Variants in EHMT1 observed in about 807,000 individuals in gnomAD.
EHMT1 encodes histone-lysine N-methyltransferase EHMT1.
A neutral mutation model predicts 147.2 loss-of-function variants in EHMT1; 15 were observed. That is an observed-to-expected ratio of 0.10 (90% CI 0.07 to 0.16). The LOEUF is 0.16. Ranked by LOEUF, EHMT1 falls within the 10% of genes least tolerant of loss-of-function variation. The pLI is 1.00. For missense variants in EHMT1, 1,587 were observed against 1,772.4 expected (o/e 0.90, Z 1.88); for synonymous variants, 795 against 709.6 (o/e 1.12, Z -1.91).
chr9:137,635,022 C>T (rs1339538857), intron 1 of EHMT1, among the ~76,000 whole-genome samples: 1 of 151,148 alleles, frequency 6.6e-6, no homozygotes, highest in Non-Finnish European at 1.5e-5. Context: ...GCCCGGCTGT[C>T]ACTTGGATTT....
At chr9:137,801,979 G>A (rs998089966) in intron 18 of EHMT1, among the ~76,000 whole-genome samples, 16 of 152,150 alleles carry the variant, frequency 1.1e-4, no homozygotes, top group African/African-American at 2.2e-4. Flanking sequence ...ATCATACCAC[G>A]GTTTTCTAGG....
chr9:137,672,615 C>T (rs1281970869), intron 1 of EHMT1, among the ~76,000 whole-genome samples: 6 of 152,226 alleles, frequency 3.9e-5, no homozygotes, highest in African/African-American at 9.6e-5. Flanking sequence ...TAAACCAAAG[C>T]GCCTGGCGCA....
chr9:137,641,932 A>G (rs1489561991), intron 1 of EHMT1, among the ~76,000 whole-genome samples: 1 of 151,290 alleles, frequency 6.6e-6, no homozygotes, highest in East Asian at 1.9e-4. Context: ...CTCCAACTCC[A>G]TGGTTCAAGC....
At chr9:137,794,990 T>G (rs1362494813) in intron 16 of EHMT1, 13 of 152,176 alleles carry the variant, frequency 8.5e-5, no homozygotes, top group Admixed American at 8.5e-4. Context: ...TCCTAAAATG[T>G]GAGAGGTCAT....
chr9:137,641,886 A>G (rs1315242218), intron 1 of EHMT1, among the ~76,000 whole-genome samples: 3 of 151,492 alleles, frequency 2.0e-5, no homozygotes, highest in South Asian at 2.1e-4. Flanking sequence ...GTACAGTGGC[A>G]TGACCTTGGC....
At chr9:137,679,364 C>T (rs1402895331) in intron 1 of EHMT1, among the ~76,000 whole-genome samples, 1 of 152,130 alleles carries the variant, frequency 6.6e-6, no homozygotes, top group Non-Finnish European at 1.5e-5. Context: ...TGCGATTGAT[C>T]TTCAGGTTCA....
intron 1 of EHMT1, among the ~76,000 whole-genome samples, chr9:137,691,530 T>C (rs1942936504): frequency 6.6e-6 from 1 of 152,060 alleles, no homozygotes; most frequent in Admixed American, 6.6e-5. Flanking sequence ...TTAGTGGATG[T>C]CCGTTGATGG....
intron 7 of EHMT1, among the ~76,000 whole-genome samples, chr9:137,753,685 T>A (rs1949156398): frequency 6.6e-6 from 1 of 152,240 alleles, no homozygotes; most frequent in Non-Finnish European, 1.5e-5. Context: ...CCTTGCTGCA[T>A]CCGGATTTTA....
intron 1 of EHMT1, among the ~76,000 whole-genome samples, chr9:137,632,053 A>G (rs891730053): frequency 1.3e-5 from 2 of 152,206 alleles, no homozygotes; most frequent in African/African-American, 4.8e-5. Flanking sequence ...CCTGGAAGCC[A>G]TGGGCTACAC....
chr9:137,692,933 C>T (rs1420341116), intron 1 of EHMT1, among the ~76,000 whole-genome samples: 1 of 152,112 alleles, frequency 6.6e-6, no homozygotes, highest in African/African-American at 2.4e-5. Flanking sequence ...AATCAGAAGC[C>T]TGAGAGTCCG....
At position 137,731,448 on chromosome 9, in the gene EHMT1, A is replaced by G. The variant is rs1455165365; in HGVS notation, c.823+2919A>G. Among the ~76,000 whole-genome samples, 3 of 152,230 alleles carry G rather than the reference A, an allele frequency of 2.0e-5. No individual in the cohort carries two copies. The highest frequency in any genetic ancestry group is 4.4e-5 in the Non-Finnish European group (3 of 68,042). ...GTGATGGTCATCAGTGCACCTTTCA[A>G]CATGGCTGGAAAGACAGGAGTGCAG... On this transcript the variant is annotated intron_variant, in intron 4 of 26. Transcript: ENST00000460843. This position sits in a 1 kb window ranked among gnomAD's most constrained non-coding sequence, Gnocchi z 4.3.
chr9:137,759,572 C>A (rs1203654710), intron 9 of EHMT1, among the ~76,000 whole-genome samples: 1 of 152,266 alleles, frequency 6.6e-6, no homozygotes, highest in Non-Finnish European at 1.5e-5. Flanking sequence ...AACACAAAGC[C>A]GGAGGAGAAA....
chr9:137,733,956 GACA>G (rs905095015), intron 4 of EHMT1, among the ~76,000 whole-genome samples: 1 of 152,114 alleles, frequency 6.6e-6, no homozygotes, highest in Non-Finnish European at 1.5e-5. Flanking sequence ...TATAAAAAAT[GACA>G]ACAACAAAAA....
rs998897318 is a variant in EHMT1 at position 137,817,003 on chromosome 9, C to T, written c.3375-436C>T. The T allele has an allele frequency of 7.2e-5, 18 of 250,406 alleles. No individual in the cohort carries two copies. In the East Asian group the frequency reaches 1.1e-3, roughly 16 times the overall value. 15.5% of individuals were successfully genotyped at this position (250,406 alleles called of 1,614,324 possible). On this transcript the variant is annotated intron_variant, in intron 23 of 26. Coordinates refer to ENST00000460843, the MANE Select transcript of EHMT1 (RefSeq NM_024757.5). ...CCCCCAGCCCTGAGAAACCCTCGAC[C>T]GCCACCTCCCCTGCCACCCTCCCCC...
intron 10 of EHMT1, chr9:137,763,069 G>A (rs961128527): frequency 3.3e-6 from 2 of 611,344 alleles, no homozygotes; most frequent in Middle Eastern, 4.3e-4. Context: ...ATGGCCTGTT[G>A]TATTTCTTTT....
At chr9:137,701,825 C>T (rs1301149763) in intron 1 of EHMT1, among the ~76,000 whole-genome samples, 1 of 145,864 alleles carries the variant, frequency 6.9e-6, no homozygotes, top group Non-Finnish European at 1.5e-5. Context: ...CGGAGTTTTG[C>T]TTTTGTCGCC....
At chr9:137,767,981 G>T (rs1223730376) in intron 10 of EHMT1, among the ~76,000 whole-genome samples, 2 of 152,124 alleles carry the variant, frequency 1.3e-5, no homozygotes, top group East Asian at 3.8e-4. Context: ...GATATGTTTA[G>T]ATGTACATAT....
At chr9:137,833,403 G>A (rs923126289) in intron 25 of EHMT1, among the ~76,000 whole-genome samples, 1 of 152,216 alleles carries the variant, frequency 6.6e-6, no homozygotes, top group Non-Finnish European at 1.5e-5. Flanking sequence ...TGGGCGTGCC[G>A]GGCCTCGGGC....
intron 1 of EHMT1, among the ~76,000 whole-genome samples, chr9:137,700,326 T>TA (rs776663025): frequency 3.9e-5 from 6 of 152,226 alleles, no homozygotes; most frequent in Non-Finnish European, 7.3e-5. Context: ...GTCTGAGTTC[T>TA]ACTTCACTAT....
Sources: gnomAD v4.1 joint callset for allele counts (sites outside exome capture counted in the v4.1 genomes callset) on GRCh38, gnomAD v4.1.1 for gene constraint, Gnocchi (gnomAD v3.1) non-coding constraint, MANE v1.5 for transcripts, NCBI Gene and HGNC (gene_info 2026-07-23, HGNC 2026-07-21) for gene names.